Variants in USP47 observed in about 807,000 individuals in gnomAD.
The protein encoded by USP47 is ubiquitin specific peptidase 47, also known as ubiquitin carboxyl-terminal hydrolase 47.
Under a neutral mutation model 165.1 loss-of-function variants are expected in USP47, and 35 were observed. The ratio of observed to expected loss-of-function variants is 0.21; its 90% CI spans 0.16 to 0.28. USP47 has a LOEUF of 0.28. Among genes scored for constraint, USP47 ranks in the 10% least tolerant of loss-of-function variants. The pLI, the probability that USP47 is intolerant of heterozygous loss-of-function variation, is 1.00. For synonymous variants in USP47, 531 were observed against 544.5 expected, an observed-to-expected ratio of 0.98 and a Z score of 0.35; for missense variants, 1,277 against 1,607.4, an observed-to-expected ratio of 0.79 and a Z score of 3.52.
chr11:11,865,989 C>T (rs996465220), intron 1 of USP47, among the ~76,000 whole-genome samples: 3 of 152,050 alleles, frequency 2.0e-5, no homozygotes, highest in Non-Finnish European at 2.9e-5. Context: ...TGATAGTGCC[C>T]TTTGATGTAC....
At chr11:11,891,853 C>A in intron 3 of USP47, 115 bp from the exon 4 acceptor site, 1 of 1,319,882 alleles carries the variant, frequency 7.6e-7, no homozygotes, top group South Asian at 1.8e-5. Context: ...GCATGAGCAC[C>A]TTTCCAGAGT....
intron 11 of USP47, among the ~76,000 whole-genome samples, chr11:11,927,917 C>CTTAAA (rs575195146): frequency 6.2e-4 from 94 of 152,092 alleles, no homozygotes; most frequent in Middle Eastern, 3.4e-3. Flanking sequence ...ATTGGGAACC[C>CTTAAA]TTACTCTGTC....
intron 5 of USP47, among the ~76,000 whole-genome samples, chr11:11,899,624 G>A (rs1240245343): frequency 3.3e-5 from 5 of 152,064 alleles, no homozygotes; most frequent in Non-Finnish European, 7.4e-5. Context: ...GACATTCCAG[G>A]AACTTCACAG....
chr11:11,883,188 G>C (rs1273760694), intron 2 of USP47, among the ~76,000 whole-genome samples: 1 of 152,146 alleles, frequency 6.6e-6, no homozygotes, highest in Non-Finnish European at 1.5e-5. Context: ...CCTCCATGTG[G>C]CTGCTTTTAG....
intron 1 of USP47, among the ~76,000 whole-genome samples, chr11:11,847,982 A>G (rs1300258579): frequency 6.6e-6 from 1 of 152,204 alleles, no homozygotes; most frequent in African/African-American, 2.4e-5. Flanking sequence ...TATCCATTTT[A>G]CACATGAAGA....
intron 8 of USP47, among the ~76,000 whole-genome samples, chr11:11,906,184 A>G (rs1365687256): frequency 6.6e-6 from 1 of 152,094 alleles, no homozygotes; most frequent in Non-Finnish European, 1.5e-5. Context: ...ATTGTATTTT[A>G]TCTATACATA....
At chr11:11,919,153 A>G (rs914479912) in intron 8 of USP47, among the ~76,000 whole-genome samples, 1 of 151,922 alleles carries the variant, frequency 6.6e-6, no homozygotes, top group African/African-American at 2.4e-5. Context: ...TTCCAAAGTG[A>G]GCTCTATCAA....
chr11:11,952,304 A>G (rs1160579579), intron 24 of USP47: 2 of 152,364 alleles, frequency 1.3e-5, no homozygotes, highest in Non-Finnish European at 2.9e-5. Context: ...ATAATGGAAA[A>G]GTGACAATTT....
chr11:11,886,822 A>T (rs1242887877), intron 3 of USP47, among the ~76,000 whole-genome samples: 1 of 152,174 alleles, frequency 6.6e-6, no homozygotes, highest in Non-Finnish European at 1.5e-5. Flanking sequence ...TGAAATAAAA[A>T]ATGTTAAGGG....
intron 4 of USP47, among the ~76,000 whole-genome samples, chr11:11,894,763 A>G (rs922156100): frequency 6.6e-6 from 1 of 152,228 alleles, no homozygotes; most frequent in African/African-American, 2.4e-5. Context: ...CTTGAGACTA[A>G]GACATGCTTT....
chr11:11,933,724 G>A, intron 15 of USP47, 107 bp from the exon 16 acceptor site: 1 of 721,474 alleles, frequency 1.4e-6, no homozygotes, highest in South Asian at 1.7e-5. Flanking sequence ...TCTCAATTAT[G>A]TTCTTTTAAA....
At chr11:11,889,984 G>T (rs1158232116) in intron 3 of USP47, among the ~76,000 whole-genome samples, 2 of 152,098 alleles carry the variant, frequency 1.3e-5, no homozygotes, top group Admixed American at 6.5e-5. Flanking sequence ...GGTGCTGGGA[G>T]AACTGGTGAG....
chr11:11,878,243 C>T (rs1590283928), intron 1 of USP47, among the ~76,000 whole-genome samples: 1 of 152,096 alleles, frequency 6.6e-6, no homozygotes, highest in Non-Finnish European at 1.5e-5. Flanking sequence ...ATTACTATTA[C>T]AGCACTTTTG....
At chr11:11,938,048 G>C (rs1412536728) in intron 17 of USP47, among the ~76,000 whole-genome samples, 1 of 151,850 alleles carries the variant, frequency 6.6e-6, no homozygotes, top group African/African-American at 2.4e-5. Flanking sequence ...CTTAATAAGG[G>C]GTTTGTTCAA....
At position 11,945,940 on chromosome 11, in the gene USP47, C is replaced by CA. The variant is rs1415442069; in HGVS notation, c.3092-1995dup. On this transcript the variant is annotated intron_variant, in intron 20 of 27. Coordinates refer to ENST00000527733, the MANE Select transcript of USP47 (RefSeq NM_001282659.2). ...ACAGAGCGAGACCCTGTCCCCCCCC[C>CA]AAAAAAAAAAGAAAAGAAAAGAAAA... 2.3e-3 allele frequency among the ~76,000 whole-genome samples: 290 copies of CA among 128,324 alleles called. 2 individuals carry two copies. The highest frequency in any genetic ancestry group is 5.7e-3 in the African/African-American group (200 of 34,944). The allele number at this position is 128,324 out of a possible 152,430, so 84.2% of individuals were successfully genotyped here.
chr11:11,937,992 AG>A lies in USP47; in HGVS notation c.2078-263del, dbSNP rs1276526286. Among the ~76,000 whole-genome samples the A allele has an allele frequency of 2.0e-5, 3 of 151,988 alleles. No individual in the cohort carries two copies. The East Asian group carries it at 5.8e-4, about 29-fold the overall frequency. On this transcript the variant is annotated intron_variant, in intron 17 of 27. Transcript: ENST00000527733. ...TTGTGTGGAATTTTCCTTGGGATATAGGAAATATTATTTTGAGGATAAGTCT... is the reference window on the plus strand; with the variant it reads ...TTGTGTGGAATTTTCCTTGGGATATAGAAATATTATTTTGAGGATAAGTCT...
intron 1 of USP47, among the ~76,000 whole-genome samples, chr11:11,861,313 C>T (rs1849370941): frequency 6.6e-6 from 1 of 152,018 alleles, no homozygotes. Context: ...CTAGGGTGGT[C>T]TCGAACTCCT....
Position 11,960,643 on chromosome 11 carries a change from A to G in USP47, c.*4468A>G, listed in dbSNP as rs1451792916. Among the ~76,000 whole-genome samples the G allele has an allele frequency of 6.6e-6, 1 of 152,002 alleles. No individual in the cohort carries two copies. The highest frequency in any genetic ancestry group is 2.4e-5 in the African/African-American group (1 of 41,372). On this transcript the variant is annotated 3_prime_UTR_variant, in exon 28 of 28. Coordinates refer to ENST00000527733, the MANE Select transcript of USP47 (RefSeq NM_001282659.2). ...AAGAATCTGTTTTCCAAACACCACAATCTCCCAAAAGGGGATTTCACCCTC... is the reference window on the plus strand; with the variant it reads ...AAGAATCTGTTTTCCAAACACCACAGTCTCCCAAAAGGGGATTTCACCCTC...
chr11:11,903,232 C>G (rs753358477), intron 6 of USP47, 31 bp from the exon 7 acceptor site: 1 of 1,587,056 alleles, frequency 6.3e-7, no homozygotes, highest in African/African-American at 1.3e-5. Context: ...AAGTTTATAG[C>G]TATTTCTAAT....
Sources: allele counts gnomAD v4.1 joint callset (sites outside exome capture counted in the v4.1 genomes callset), GRCh38; gene constraint gnomAD v4.1.1; transcripts MANE v1.5; gene names NCBI Gene and HGNC (gene_info 2026-07-23, HGNC 2026-07-21).